The following KIF6 variants were observed in gnomAD, a reference collection of about 807,000 sequenced individuals.
The protein encoded by KIF6 is kinesin family member 6, also known as kinesin-like protein KIF6.
A neutral mutation model predicts 112.7 loss-of-function variants in KIF6; 106 were observed. That is an observed-to-expected ratio of 0.94 (90% CI 0.80 to 1.11). The LOEUF (loss-of-function observed/expected upper bound fraction) is 1.11. Ranked by LOEUF, KIF6 falls within the 50% of genes least tolerant of loss-of-function variation. The probability of loss-of-function intolerance (pLI) is 0.00; values close to 1 mark genes in which losing one functional copy is unlikely to be tolerated. For synonymous variants in KIF6, 339 were observed against 339.9 expected, an observed-to-expected ratio of 1.00 and a Z score of 0.03; for missense variants, 929 against 964.0, an observed-to-expected ratio of 0.96 and a Z score of 0.48.
chr6:39,452,427 T>C (rs775272164), intron 13 of KIF6, among the ~76,000 whole-genome samples: 3 of 152,230 alleles, frequency 2.0e-5, no homozygotes, highest in Non-Finnish European at 4.4e-5. Context: ...TTCACTTCAT[T>C]GGGTTCACTA....
chr6:39,578,644 T>A (rs72850697), intron 9 of KIF6, among the ~76,000 whole-genome samples: 11,663 of 152,150 alleles, frequency 0.077, 513 homozygotes, highest in South Asian at 0.17. Context: ...TAATTTTTTT[T>A]AAAACAAATA....
Position 39,335,109 on chromosome 6 carries a change from T to C in KIF6, c.*1423A>G, listed in dbSNP as rs1359061186. The C allele has an allele frequency of 6.6e-6, 1 of 152,138 alleles. No individual in the cohort carries two copies. Among genetic ancestry groups the C allele is most frequent in the African/African-American group, 2.4e-5 (1 of 41,416 alleles). 9.4% of individuals were successfully genotyped at this position (152,138 alleles called of 1,614,324 possible). On this transcript the variant is annotated 3_prime_UTR_variant, in exon 23 of 23. Coordinates refer to ENST00000287152, the MANE Select transcript of KIF6 (RefSeq NM_145027.6). ...GCAAGACAAACAGGTCCCTGTTGCA[T>C]TGGAGCTCTTAGTATTATGGGGGGT...
At chr6:39,435,355 G>C (rs1771448268) in intron 13 of KIF6, among the ~76,000 whole-genome samples, 1 of 152,076 alleles carries the variant, frequency 6.6e-6, no homozygotes, top group Non-Finnish European at 1.5e-5. Context: ...GAATTTGTAA[G>C]CTCCATGAGG....
chr6:39,340,338 C>T (rs1763255265), intron 22 of KIF6, among the ~76,000 whole-genome samples: 1 of 131,102 alleles, frequency 7.6e-6, no homozygotes, highest in African/African-American at 3.5e-5. Context: ...TGGGTAGAGG[C>T]TGCGGTCACT....
intron 5 of KIF6, among the ~76,000 whole-genome samples, chr6:39,624,773 T>C (rs1030797368): frequency 5.3e-5 from 8 of 152,206 alleles, no homozygotes; most frequent in Non-Finnish European, 1.2e-4. Context: ...TATATTTCTA[T>C]ATTCCAGATA....
At position 39,545,584 on chromosome 6, in the gene KIF6, T is replaced by G; in HGVS notation, c.1286A>C (p.Lys429Thr). 6.2e-7 allele frequency: 1 copy of G among 1,604,454 alleles called. No homozygotes were observed. The highest frequency in any genetic ancestry group is 8.5e-7 in the Non-Finnish European group (1 of 1,171,678). ...TATTGGGGAAACATTTAAGTTTACC[T>G]TTAAATGATGAAAACAGTGATGAAC... ...RKVHHCFHHL[K>T]KLLNDKKILE... The change falls in exon 11 of 23, where the codon AAG becomes ACG. Residue 429 changes from lysine (K) to threonine (T), a missense_variant and splice_region_variant. By Grantham distance (78) the Lys-to-Thr change is moderately conservative. This residue lies in a region of KIF6 where 688 missense variants were observed against 662.7 expected (regional missense o/e 1.04). Transcript: ENST00000287152.
intron 15 of KIF6, among the ~76,000 whole-genome samples, chr6:39,405,959 C>T (rs1289566867): frequency 6.6e-6 from 1 of 152,158 alleles, no homozygotes; most frequent in African/African-American, 2.4e-5. Context: ...TAAATTGTCA[C>T]ATTTGTGTAG....
At chr6:39,638,984 C>A (rs1224674975) in intron 4 of KIF6, among the ~76,000 whole-genome samples, 1 of 152,048 alleles carries the variant, frequency 6.6e-6, no homozygotes, top group Non-Finnish European at 1.5e-5. Context: ...CAGCTACTTA[C>A]AGGATGTGGG....
At chr6:39,510,435 C>T (rs1776705359) in intron 13 of KIF6, among the ~76,000 whole-genome samples, 1 of 152,128 alleles carries the variant, frequency 6.6e-6, no homozygotes, top group Admixed American at 6.5e-5. Context: ...AATTTCATAT[C>T]CAGCCAAACT....
Position 39,540,004 on chromosome 6 carries a change from T to C in KIF6, c.1644A>G (p.Ile548Met). Reference protein sequence around the residue: ...GKRSSLLHKKIGMREEMSLGC... With the variant: ...GKRSSLLHKKMGMREEMSLGC... Reference sequence around the variant, plus strand: ...ATACTGGAAATTTAGTCAACTGACCTATTTTCTTGTGGAGCAAACTGGATC... The same window carrying C: ...ATACTGGAAATTTAGTCAACTGACCCATTTTCTTGTGGAGCAAACTGGATC... Residue 548 changes from isoleucine to methionine, a missense_variant and splice_region_variant, in exon 13 of 23, where the codon ATA (isoleucine) becomes ATG (methionine). Coordinates refer to ENST00000287152, the MANE Select transcript of KIF6 (RefSeq NM_145027.6). 1 of 1,594,728 alleles carries C rather than the reference T, an allele frequency of 6.3e-7. No homozygotes were observed. The highest frequency in any genetic ancestry group is 8.5e-7 in the Non-Finnish European group (1 of 1,172,234).
intron 13 of KIF6, among the ~76,000 whole-genome samples, chr6:39,536,253 T>C (rs1778416437): frequency 6.6e-6 from 1 of 151,192 alleles, no homozygotes; most frequent in Admixed American, 6.6e-5. Context: ...AAAAAACCCT[T>C]CAAAAAATTA....
In KIF6 at chr6:39,674,115, C is replaced by A. The variant is rs115515466; in HGVS notation, c.252-34358G>T. Among the ~76,000 whole-genome samples, 979 of 152,152 alleles carry A rather than the reference C, an allele frequency of 6.4e-3. 3 individuals carry two copies. Among genetic ancestry groups the A allele is most frequent in the Non-Finnish European group, 0.01 (707 of 67,980 alleles). On this transcript the variant is annotated intron_variant, in intron 3 of 22. Coordinates refer to ENST00000287152, the MANE Select transcript of KIF6 (RefSeq NM_145027.6). ...GAATAAAAAGAGAAGAAAAGAAAAT[C>A]TGAAAGTAATATTTGTTTAACATTT...
chr6:39,417,700 C>T (rs1224179354), intron 15 of KIF6, among the ~76,000 whole-genome samples: 2 of 150,306 alleles, frequency 1.3e-5, no homozygotes, highest in Non-Finnish European at 2.9e-5. Flanking sequence ...GATTGCACCA[C>T]AGTTATGGGG....
intron 13 of KIF6, among the ~76,000 whole-genome samples, chr6:39,494,930 T>C (rs935484943): frequency 5.3e-5 from 8 of 152,016 alleles, no homozygotes; most frequent in African/African-American, 1.9e-4. Flanking sequence ...ACTCTTCACA[T>C]CAGGGGAGTT....
chr6:39,437,261 C>G (rs949784842), intron 13 of KIF6, among the ~76,000 whole-genome samples: 2 of 152,134 alleles, frequency 1.3e-5, no homozygotes, highest in Non-Finnish European at 2.9e-5. Flanking sequence ...ATCTAGCAAT[C>G]TTTCAGAGAA....
chr6:39,574,716 T>G (rs1179078669), intron 10 of KIF6, among the ~76,000 whole-genome samples: 2 of 152,186 alleles, frequency 1.3e-5, no homozygotes, highest in South Asian at 4.1e-4. Context: ...TGAGATATTA[T>G]TTCTTAACTA....
chr6:39,703,923 T>C (rs1224359846), intron 3 of KIF6, among the ~76,000 whole-genome samples: 1 of 152,240 alleles, frequency 6.6e-6, no homozygotes, highest in African/African-American at 2.4e-5. Flanking sequence ...GTTCTTTCTA[T>C]ATCTCTCTTT....
At chr6:39,717,233 T>C (rs1015074082) in intron 2 of KIF6, among the ~76,000 whole-genome samples, 15 of 151,554 alleles carry the variant, frequency 9.9e-5, no homozygotes, top group African/African-American at 3.7e-4. Flanking sequence ...GCCATTCTGC[T>C]GCCTCATGCT....
intron 16 of KIF6, among the ~76,000 whole-genome samples, chr6:39,372,884 T>C (rs1450708103): frequency 6.6e-6 from 1 of 152,180 alleles, no homozygotes; most frequent in Admixed American, 6.5e-5. Flanking sequence ...ACAGCCAACC[T>C]TGGTTTCCTG....
Sources: gnomAD v4.1 joint callset for allele counts (sites outside exome capture counted in the v4.1 genomes callset) on GRCh38, gnomAD v4.1.1 for gene constraint, gnomAD v4.1.1 regional missense constraint, MANE v1.5 for transcripts, NCBI Gene and HGNC (gene_info 2026-07-23, HGNC 2026-07-21) for gene names.